Variants in PALM2AKAP2 observed in about 807,000 individuals in gnomAD.
PALM2AKAP2 encodes PALM2-AKAP2 fusion protein.
A neutral mutation model predicts 71.5 loss-of-function variants in PALM2AKAP2; 37 were observed. The observed-to-expected ratio is 0.52, with a 90% CI of 0.40 to 0.68. The LOEUF (loss-of-function observed/expected upper bound fraction) is 0.68, where lower values mean the gene tolerates loss of function less well. Among genes scored for constraint, PALM2AKAP2 ranks in the 30% least tolerant of loss-of-function variants. PALM2AKAP2 has a pLI of 0.00. For missense variants in PALM2AKAP2, 1,224 were observed against 1,191.8 expected (o/e 1.03, Z -0.40); for synonymous variants, 468 against 478.8 (o/e 0.98, Z 0.29).
chr9:109,965,907 G>A (rs991886337), intron 6 of PALM2AKAP2, among the ~76,000 whole-genome samples: 1 of 152,054 alleles, frequency 6.6e-6, no homozygotes, highest in Admixed American at 6.6e-5. Flanking sequence ...TGCCAAGGAG[G>A]TGGGATTTGA....
chr9:110,154,972 T>A (rs1259312990), intron 2 of PALM2AKAP2, among the ~76,000 whole-genome samples: 1 of 152,106 alleles, frequency 6.6e-6, no homozygotes, highest in East Asian at 1.9e-4. Context: ...ACGATTGAAA[T>A]GGGAATATGA....
intron 6 of PALM2AKAP2, among the ~76,000 whole-genome samples, chr9:109,999,314 C>T (rs1030462695): frequency 6.6e-6 from 1 of 151,884 alleles, no homozygotes; most frequent in Non-Finnish European, 1.5e-5. Flanking sequence ...CACACCACTG[C>T]ACCACTCCAG....
intron 6 of PALM2AKAP2, among the ~76,000 whole-genome samples, chr9:109,939,848 G>A (rs547880054): frequency 2.0e-5 from 3 of 152,338 alleles, no homozygotes; most frequent in Non-Finnish European, 2.9e-5. Context: ...AGAAACTTGA[G>A]ATCTTTATGC....
intron 1 of PALM2AKAP2, among the ~76,000 whole-genome samples, chr9:109,715,844 C>T (rs532105239): frequency 1.3e-5 from 2 of 152,216 alleles, no homozygotes; most frequent in East Asian, 1.9e-4. Context: ...TTTCTTCTTC[C>T]TTCTTCCTTC....
chr9:110,055,206 A>C (rs260224), intron 1 of PALM2AKAP2, among the ~76,000 whole-genome samples: 37,840 of 148,556 alleles, frequency 0.25, 4,912 homozygotes, highest in Middle Eastern at 0.29. Context: ...TTATTTATTT[A>C]TTTTTTGAGA....
chr9:109,941,391 A>G (rs558966305), intron 6 of PALM2AKAP2, among the ~76,000 whole-genome samples: 1 of 152,282 alleles, frequency 6.6e-6, no homozygotes, highest in Admixed American at 6.5e-5. Flanking sequence ...GAGGAGATGG[A>G]TGAGATATAT....
At position 109,833,311 on chromosome 9, in the gene PALM2AKAP2, C is replaced by T. The variant is rs1305028082; in HGVS notation, c.46-34180C>T. Among the ~76,000 whole-genome samples, 5 of 152,150 alleles carry T rather than the reference C, an allele frequency of 3.3e-5. No individual in the cohort carries two copies. The East Asian group carries it at 5.8e-4, about 18-fold the overall frequency. ...CGGAAGTTGCAGTAAGCCGGGATCACGCCACTGCACTCCAGCCTGGGCGAC... is the reference window on the plus strand; with the variant it reads ...CGGAAGTTGCAGTAAGCCGGGATCATGCCACTGCACTCCAGCCTGGGCGAC... On this transcript the variant is annotated intron_variant, in intron 1 of 9. Coordinates refer to the PALM2AKAP2 transcript ENST00000302798.
chr9:109,980,816 A>G (rs1228458801), intron 6 of PALM2AKAP2, among the ~76,000 whole-genome samples: 1 of 152,222 alleles, frequency 6.6e-6, no homozygotes, highest in Non-Finnish European at 1.5e-5. Context: ...CTTAGCATCT[A>G]TACCCATCTC....
At chr9:110,031,337 C>T (rs1174031014) in intron 7 of PALM2AKAP2, among the ~76,000 whole-genome samples, 2 of 152,062 alleles carry the variant, frequency 1.3e-5, no homozygotes, top group Non-Finnish European at 2.9e-5. Context: ...ACCATGTTGG[C>T]CAGGCTGGTC....
chr9:110,015,621 T>C (rs1248494416), intron 6 of PALM2AKAP2, among the ~76,000 whole-genome samples: 1 of 151,798 alleles, frequency 6.6e-6, no homozygotes, highest in Admixed American at 6.6e-5. Flanking sequence ...AATAAATAAA[T>C]AAACAAACAA....
At chr9:110,057,258 C>T (rs1422469354) in intron 1 of PALM2AKAP2, among the ~76,000 whole-genome samples, 1 of 152,068 alleles carries the variant, frequency 6.6e-6, no homozygotes, top group African/African-American at 2.4e-5. Context: ...TTTATAGTCA[C>T]CAGCATTTTT....
intron 1 of PALM2AKAP2, among the ~76,000 whole-genome samples, 188 bp downstream of exon 1, chr9:109,780,721 C>A (rs531741371): frequency 6.6e-6 from 1 of 152,088 alleles, no homozygotes; most frequent in Admixed American, 6.5e-5. Context: ...CCCCCAAGGG[C>A]GCGCTTTGGA....
In PALM2AKAP2 at chr9:109,780,543, C is replaced by T; in HGVS notation, c.45+10C>T. 1 of 1,613,582 alleles carries T rather than the reference C, an allele frequency of 6.2e-7. No individual in the cohort carries two copies. The highest frequency in any genetic ancestry group is 8.5e-7 in the Non-Finnish European group (1 of 1,179,948). ...GCTGCAAGCCATAGCAGTAAGTCCA[C>T]TTTCATTTTATTTTCTTGCTCTATT... On this transcript the variant is annotated intron_variant, in intron 1 of 9. Coordinates refer to the PALM2AKAP2 transcript ENST00000302798.
At chr9:110,076,728 T>C (rs1374487493) in intron 1 of PALM2AKAP2, among the ~76,000 whole-genome samples, 1 of 152,002 alleles carries the variant, frequency 6.6e-6, no homozygotes, top group Non-Finnish European at 1.5e-5. Context: ...CATGCACACA[T>C]GATGTTTAGA....
At chr9:110,046,719 C>T (rs774672227), upstream of PALM2AKAP2, among the ~76,000 whole-genome samples, 1 of 152,142 alleles carries the variant, frequency 6.6e-6, no homozygotes, top group Non-Finnish European at 1.5e-5. Flanking sequence ...CCGCCCACCT[C>T]GGCCTCCCAA....
chr9:110,063,884 T>C (rs1471311869), intron 1 of PALM2AKAP2, among the ~76,000 whole-genome samples: 1 of 152,148 alleles, frequency 6.6e-6, no homozygotes. Flanking sequence ...GGCTTCAACA[T>C]AGGAAGTGGA....
chr9:109,925,296 C>T (rs1209325790), intron 5 of PALM2AKAP2, among the ~76,000 whole-genome samples: 1 of 152,150 alleles, frequency 6.6e-6, no homozygotes, highest in Non-Finnish European at 1.5e-5. Context: ...ACTGTTTCTC[C>T]TCTTACAAAA....
At chr9:110,136,693 C>T (rs1203985191) in exon 2 of PALM2AKAP2, 2 of 1,614,178 alleles carry the variant, frequency 1.2e-6, no homozygotes, top group East Asian at 2.2e-5. Flanking sequence ...TGCCTGTCAG[C>T]CCCAGCTCCA....
chr9:109,907,207 C>G (rs1830465244), intron 3 of PALM2AKAP2, among the ~76,000 whole-genome samples: 1 of 152,210 alleles, frequency 6.6e-6, no homozygotes, highest in African/African-American at 2.4e-5. Flanking sequence ...AATTTGAGCT[C>G]TACTGTGCAC....
Sources: gnomAD v4.1 joint callset for allele counts (sites outside exome capture counted in the v4.1 genomes callset) on GRCh38, gnomAD v4.1.1 for gene constraint, MANE v1.5 for transcripts, NCBI Gene and HGNC (gene_info 2026-07-23, HGNC 2026-07-21) for gene names.